SLC4A10: variants seen among roughly 807,000 people sequenced by gnomAD.
SLC4A10 encodes the protein solute carrier family 4 member 10.
A neutral mutation model predicts 137.7 loss-of-function variants in SLC4A10; 42 were observed. The ratio of observed to expected loss-of-function variants is 0.30; its 90% CI spans 0.24 to 0.39. The LOEUF is 0.39. Among genes scored for constraint, SLC4A10 ranks in the 10% least tolerant of loss-of-function variants. SLC4A10 has a pLI of 1.00. For missense variants in SLC4A10, 925 were observed against 1,355.0 expected (o/e 0.68, Z 4.98); for synonymous variants, 474 against 464.1 (o/e 1.02, Z -0.27).
In SLC4A10 at chr2:161,862,874, ATAT is replaced by A; in HGVS notation, c.579_581del (p.Asp193_Met194delinsGlu). 6.3e-7 allele frequency: 1 copy of A among 1,589,590 alleles called. No individual in the cohort carries two copies. Among genetic ancestry groups the A allele is most frequent in the Non-Finnish European group, 8.6e-7 (1 of 1,166,488 alleles). On this transcript the variant is annotated inframe_deletion and splice_region_variant, in exon 6 of 27. Transcript: ENST00000446997. Reference sequence around the variant, plus strand: ...TCTTCTTCCGGCCTTTTCTCTTCAGATATGGTTCTTGACCAACAAGTGAGCTCA... The same window carrying A: ...TCTTCTTCCGGCCTTTTCTCTTCAGAGGTTCTTGACCAACAAGTGAGCTCA...
chr2:161,812,504 C>G (rs769081711), intron 3 of SLC4A10, among the ~76,000 whole-genome samples: 6 of 151,774 alleles, frequency 4.0e-5, no homozygotes, highest in Non-Finnish European at 8.8e-5. Flanking sequence ...ATTTTACAAC[C>G]CTTGTTCCCT....
In SLC4A10 at chr2:161,690,985, G is replaced by A. The variant is rs140025850; in HGVS notation, c.48+66419G>A. ...ATTAAAAAAAAGAAATTTGAAAGTG[G>A]TGATAACCAAATTATGACTATAATA... On this transcript the variant is annotated intron_variant, in intron 1 of 26. Coordinates refer to ENST00000446997, the MANE Select transcript of SLC4A10 (RefSeq NM_001178015.2). Among the ~76,000 whole-genome samples the A allele has an allele frequency of 3.3e-3, 495 of 151,812 alleles. 3 individuals carry two copies. Among genetic ancestry groups the A allele is most frequent in the Non-Finnish European group, 6.0e-3 (406 of 67,898 alleles).
chr2:161,636,939 A>G (rs1276444366), intron 1 of SLC4A10, among the ~76,000 whole-genome samples: 1 of 150,204 alleles, frequency 6.7e-6, no homozygotes, highest in Non-Finnish European at 1.5e-5. Context: ...CTGGTCTTGA[A>G]CTACTAGCCT....
At chr2:161,808,720 A>T (rs1156245781) in intron 3 of SLC4A10, among the ~76,000 whole-genome samples, 1 of 152,158 alleles carries the variant, frequency 6.6e-6, no homozygotes, top group Non-Finnish European at 1.5e-5. Context: ...CTCCAGCTGC[A>T]TTCATGTTGC....
At chr2:161,899,506 A>G (rs1284916597) in intron 11 of SLC4A10, among the ~76,000 whole-genome samples, 1 of 152,082 alleles carries the variant, frequency 6.6e-6, no homozygotes, top group African/African-American at 2.4e-5. Context: ...CTCAGCCTGC[A>G]TTTTATCTAA....
Position 161,803,656 on chromosome 2 carries a change from A to G in SLC4A10, c.131-793A>G, listed in dbSNP as rs555090526. 1.6e-4 allele frequency among the ~76,000 whole-genome samples: 24 copies of G among 152,234 alleles called. No homozygotes were observed. In the South Asian group the frequency reaches 4.6e-3, roughly 29 times the overall value. ...AAACCATCTTCTTTCACCTAGCAAT[A>G]TGCATTAACAGTTCTCTCATGTCTT... On this transcript the variant is annotated intron_variant, in intron 2 of 26. Transcript: ENST00000446997.
In SLC4A10 at chr2:161,624,486, AG is replaced by A; in HGVS notation, c.-32del. On this transcript the variant is annotated 5_prime_UTR_variant, in exon 1 of 27. Coordinates refer to ENST00000446997, the MANE Select transcript of SLC4A10 (RefSeq NM_001178015.2). ...GTGTAAGACACTGAAGACACTGCAG[AG>A]CAAGGTGCTTATTCCAGAGGCGTTA... is the stretch of plus-strand genomic sequence containing the variant. 1.3e-6 allele frequency: 2 copies of A among 1,552,018 alleles called. No homozygotes were observed. The highest frequency in any genetic ancestry group is 1.7e-6 in the Non-Finnish European group (2 of 1,147,114).
At chr2:161,906,595 T>A (rs1371661087) in intron 15 of SLC4A10, among the ~76,000 whole-genome samples, 1 of 152,230 alleles carries the variant, frequency 6.6e-6, no homozygotes, top group African/African-American at 2.4e-5. Context: ...TGTGCTTATA[T>A]GCAGTTTTTT....
chr2:161,767,077 G>A (rs2050890715), intron 1 of SLC4A10, among the ~76,000 whole-genome samples: 1 of 111,252 alleles, frequency 9.0e-6, no homozygotes, highest in Non-Finnish European at 1.8e-5. Context: ...TCAAGGTTAT[G>A]TTAAAGAATT....
chr2:161,652,427 A>G (rs2036930053), intron 1 of SLC4A10, among the ~76,000 whole-genome samples: 1 of 150,976 alleles, frequency 6.6e-6, no homozygotes, highest in Non-Finnish European at 1.5e-5. Flanking sequence ...GAAAAGATAT[A>G]CACACACACA....
chr2:161,887,209 G>A (rs2062404003), intron 10 of SLC4A10, among the ~76,000 whole-genome samples: 2 of 152,066 alleles, frequency 1.3e-5, no homozygotes, highest in African/African-American at 4.8e-5. Flanking sequence ...CATTTGGGTT[G>A]GTTCCAAGTC....
intron 1 of SLC4A10, among the ~76,000 whole-genome samples, chr2:161,683,572 TCTTTTGTTG>T (rs2041089339): frequency 6.6e-6 from 1 of 152,178 alleles, no homozygotes; most frequent in Admixed American, 6.6e-5. Context: ...CTTATTCTGT[TCTTTTGTTG>T]GTTGGTTGAA....
intron 3 of SLC4A10, among the ~76,000 whole-genome samples, chr2:161,806,422 G>C: frequency 6.6e-6 from 1 of 152,106 alleles, no homozygotes; most frequent in East Asian, 1.9e-4. Context: ...CTATTGCACT[G>C]TCAGGCTGCA....
chr2:161,743,563 G>GTTTT (rs201211907), intron 1 of SLC4A10, among the ~76,000 whole-genome samples: 1 of 151,218 alleles, frequency 6.6e-6, no homozygotes. Flanking sequence ...GATTCCTCCA[G>GTTTT]TTTTTTTTGT....
chr2:161,957,359 G>A (rs1469431305), intron 20 of SLC4A10, 119 bp downstream of exon 20: 2 of 1,152,518 alleles, frequency 1.7e-6, no homozygotes. Flanking sequence ...TGAAAGTGAT[G>A]AATTTCTGAA....
chr2:161,772,424 A>T (rs953685438), intron 2 of SLC4A10, among the ~76,000 whole-genome samples: 5 of 151,962 alleles, frequency 3.3e-5, no homozygotes, highest in African/African-American at 1.2e-4. Context: ...GATTTTAAAG[A>T]TGGTGAATGG....
chr2:161,969,348 C>T (rs1324873298), intron 23 of SLC4A10, among the ~76,000 whole-genome samples: 3 of 152,094 alleles, frequency 2.0e-5, no homozygotes, highest in African/African-American at 7.2e-5. Context: ...TATGCATATG[C>T]TTCAGTTTTT....
intron 4 of SLC4A10, among the ~76,000 whole-genome samples, chr2:161,849,528 G>A (rs1271109605): frequency 6.6e-6 from 1 of 152,050 alleles, no homozygotes; most frequent in Non-Finnish European, 1.5e-5. Flanking sequence ...TATGATGTTG[G>A]CTGTAGGTTT....
intron 3 of SLC4A10, among the ~76,000 whole-genome samples, chr2:161,817,549 C>G (rs1043523460): frequency 3.3e-5 from 5 of 152,054 alleles, no homozygotes; most frequent in Non-Finnish European, 7.4e-5. Flanking sequence ...ACATGAAGTC[C>G]TTGCCCATGC....
Sources: allele counts gnomAD v4.1 joint callset (sites outside exome capture counted in the v4.1 genomes callset), GRCh38; gene constraint gnomAD v4.1.1; transcripts MANE v1.5; gene names NCBI Gene and HGNC (gene_info 2026-07-23, HGNC 2026-07-21).